The following RBFOX1 variants were observed in gnomAD, a reference collection of about 807,000 sequenced individuals.
RBFOX1 encodes RNA binding protein fox-1 homolog 1.
RBFOX1 carries 8 observed loss-of-function variants against 57.7 expected under a neutral mutation model. The observed-to-expected ratio is 0.14, with a 90% CI of 0.08 to 0.25. The LOEUF (loss-of-function observed/expected upper bound fraction) is 0.25. Ranked by LOEUF, RBFOX1 falls within the 10% of genes least tolerant of loss-of-function variation. The pLI, the probability that RBFOX1 is intolerant of heterozygous loss-of-function variation, is 1.00. For synonymous variants in RBFOX1, 326 were observed against 222.4 expected, an observed-to-expected ratio of 1.47 and a Z score of -4.15; for missense variants, 611 against 548.5, an observed-to-expected ratio of 1.11 and a Z score of -1.14.
intron 2 of RBFOX1, among the ~76,000 whole-genome samples, chr16:6,423,196 A>G (rs802311): frequency 0.036 from 5,523 of 152,248 alleles, 175 homozygotes; most frequent in East Asian, 0.12. Flanking sequence ...TTCTCTGATA[A>G]CAATACAGTG....
Position 6,151,117 on chromosome 16 carries a change from T to C in RBFOX1, c.-127+131125T>C, listed in dbSNP as rs78257837. Among the ~76,000 whole-genome samples, 168 of 152,262 alleles carry C rather than the reference T, an allele frequency of 1.1e-3. 4 individuals carry two copies. In the East Asian group the frequency reaches 0.024, roughly 22 times the overall value. On this transcript the variant is annotated intron_variant, in intron 1 of 15. Coordinates refer to ENST00000550418, the MANE Select transcript of RBFOX1 (RefSeq NM_018723.4). ...CTATGGTTTCCTTATTCATCATCCC[T>C]CCATAAATACATATTTGCTGAATCT...
intron 2 of RBFOX1, among the ~76,000 whole-genome samples, chr16:6,600,461 A>G (rs1244485333): frequency 1.3e-5 from 2 of 152,236 alleles, no homozygotes; most frequent in South Asian, 4.1e-4. Context: ...GACTTCTGGC[A>G]TTCTGAAAAG....
At chr16:6,876,036 A>G (rs1272477042) in intron 3 of RBFOX1, among the ~76,000 whole-genome samples, 5 of 151,748 alleles carry the variant, frequency 3.3e-5, no homozygotes, top group African/African-American at 9.7e-5. Context: ...AAGCAGGCAT[A>G]GTAACACACG....
intron 4 of RBFOX1, among the ~76,000 whole-genome samples, chr16:7,302,841 T>G (rs1161955688): frequency 6.6e-6 from 1 of 151,172 alleles, no homozygotes; most frequent in African/African-American, 2.4e-5. Context: ...TAAAGACTAA[T>G]GAAATCTACT....
At chr16:6,662,505 A>T (rs2098707865) in intron 3 of RBFOX1, among the ~76,000 whole-genome samples, 1 of 152,184 alleles carries the variant, frequency 6.6e-6, no homozygotes, top group South Asian at 2.1e-4. Flanking sequence ...AAGTGTTGAA[A>T]CACTTAGATT....
At chr16:5,890,480 C>T (rs542801311) in intron 4 of RBFOX1, among the ~76,000 whole-genome samples, 4 of 152,052 alleles carry the variant, frequency 2.6e-5, no homozygotes, top group East Asian at 1.9e-4. Flanking sequence ...GGGCAGATCA[C>T]GAGGTCAGGA....
At chr16:7,029,918 G>C (rs926920892) in intron 3 of RBFOX1, among the ~76,000 whole-genome samples, 1 of 152,182 alleles carries the variant, frequency 6.6e-6, no homozygotes, top group African/African-American at 2.4e-5. Flanking sequence ...CTTCTCACTA[G>C]AATGGGAGAT....
chr16:6,739,603 G>A (rs1406974700), intron 3 of RBFOX1, among the ~76,000 whole-genome samples: 1 of 151,714 alleles, frequency 6.6e-6, no homozygotes. Context: ...TGGGCCAGGT[G>A]GGGTGGCTCA....
chr16:6,648,911 A>T (rs2098554641), intron 2 of RBFOX1, among the ~76,000 whole-genome samples: 1 of 152,204 alleles, frequency 6.6e-6, no homozygotes. Flanking sequence ...TGGAATGGCT[A>T]AATAGAGCCA....
intron 4 of RBFOX1, among the ~76,000 whole-genome samples, chr16:7,354,808 T>C (rs1596314907): frequency 6.6e-6 from 1 of 152,178 alleles, no homozygotes; most frequent in East Asian, 1.9e-4. Flanking sequence ...GAGCTACATG[T>C]GGTTTGTGTT....
At chr16:6,858,728 T>C (rs963173212) in intron 3 of RBFOX1, among the ~76,000 whole-genome samples, 11 of 152,234 alleles carry the variant, frequency 7.2e-5, no homozygotes, top group African/African-American at 2.2e-4. Flanking sequence ...TCAGCCTCTT[T>C]ATGGAACAGT....
chr16:6,407,805 T>C (rs2093338436), intron 2 of RBFOX1, among the ~76,000 whole-genome samples: 1 of 152,102 alleles, frequency 6.6e-6, no homozygotes, highest in African/African-American at 2.4e-5. Flanking sequence ...AAACACTAAA[T>C]CACCAATCCT....
At chr16:6,594,348 C>G (rs914881987) in intron 2 of RBFOX1, among the ~76,000 whole-genome samples, 4 of 152,136 alleles carry the variant, frequency 2.6e-5, no homozygotes, top group Non-Finnish European at 5.9e-5. Flanking sequence ...CCTATCCTTA[C>G]CAATGTTATG....
chr16:6,881,184 C>G (rs1003065569), intron 3 of RBFOX1, among the ~76,000 whole-genome samples: 4 of 152,172 alleles, frequency 2.6e-5, no homozygotes, highest in Non-Finnish European at 4.4e-5. Flanking sequence ...CCCATTTGCT[C>G]TCCCAAGCTC....
chr16:5,553,347 A>C (rs528313592), intron 2 of RBFOX1, among the ~76,000 whole-genome samples: 201 of 148,344 alleles, frequency 1.4e-3, no homozygotes, highest in African/African-American at 4.8e-3. Flanking sequence ...ATGGAGTCTC[A>C]CTCTTTTACC....
At chr16:6,413,396 T>G (rs2093527706) in intron 2 of RBFOX1, among the ~76,000 whole-genome samples, 1 of 151,552 alleles carries the variant, frequency 6.6e-6, no homozygotes. Context: ...ACCCCTGGGC[T>G]CAAGCAGTCC....
rs145017659 is a variant in RBFOX1, at chr16:5,326,550, C to A, written c.219+86445C>A. Among the ~76,000 whole-genome samples, 669 of 152,212 alleles carry A rather than the reference C, an allele frequency of 4.4e-3. 2 individuals are homozygous for A. The highest frequency in any genetic ancestry group is 0.016 in the African/African-American group (647 of 41,510). ...GTGTGTGCCCTGGTACGATGCACTCCCTGCCCATTCTAGACTTCATTATCA... is the reference window on the plus strand; with the variant it reads ...GTGTGTGCCCTGGTACGATGCACTCACTGCCCATTCTAGACTTCATTATCA... On this transcript the variant is annotated intron_variant, in intron 1 of 2. Coordinates refer to the RBFOX1 transcript ENST00000585867.
At chr16:6,972,231 A>T (rs780090927) in intron 3 of RBFOX1, among the ~76,000 whole-genome samples, 1 of 152,116 alleles carries the variant, frequency 6.6e-6, no homozygotes, top group Non-Finnish European at 1.5e-5. Flanking sequence ...CTCTGTATCT[A>T]TTAACTCTGT....
At chr16:6,575,148 T>G (rs1284489920) in intron 2 of RBFOX1, among the ~76,000 whole-genome samples, 1 of 152,266 alleles carries the variant, frequency 6.6e-6, no homozygotes, top group African/African-American at 2.4e-5. Flanking sequence ...TACGACACGT[T>G]GTTTGAAATC....
Sources: allele counts gnomAD v4.1 joint callset (sites outside exome capture counted in the v4.1 genomes callset), GRCh38; gene constraint gnomAD v4.1.1; transcripts MANE v1.5; gene names NCBI Gene and HGNC (gene_info 2026-07-23, HGNC 2026-07-21).